The following NOP2 variants were observed in gnomAD, a reference collection of about 807,000 sequenced individuals.
The protein encoded by NOP2 is NOP2 nucleolar protein.
A neutral mutation model predicts 72.7 loss-of-function variants in NOP2; 7 were observed. The observed-to-expected ratio is 0.10, with a 90% CI of 0.05 to 0.18. NOP2 has a LOEUF of 0.18. Among genes scored for constraint, NOP2 ranks in the 10% least tolerant of loss-of-function variants. NOP2 has a pLI of 1.00. For synonymous variants in NOP2, 387 were observed against 388.0 expected, an observed-to-expected ratio of 1.00 and a Z score of 0.03; for missense variants, 954 against 1,014.7, an observed-to-expected ratio of 0.94 and a Z score of 0.81.
In NOP2 at chr12:6,568,101, G is replaced by T; in HGVS notation, c.-5+106C>A. On this transcript the variant is annotated intron_variant, in intron 1 of 15. Coordinates refer to ENST00000322166, the MANE Select transcript of NOP2 (RefSeq NM_001258308.2). ...ACCCCCGCTATCCCCCTGGAGGCCCGACCGAACGCCCTCCCACCTGAAACC... is the reference window on the plus strand; with the variant it reads ...ACCCCCGCTATCCCCCTGGAGGCCCTACCGAACGCCCTCCCACCTGAAACC... 4 of 595,046 alleles carry T rather than the reference G, an allele frequency of 6.7e-6. No homozygotes were observed. The East Asian group carries it at 1.1e-4, about 17-fold the overall frequency. 36.9% of individuals were successfully genotyped at this position (595,046 alleles called of 1,614,324 possible).
intron 9 of NOP2, among the ~76,000 whole-genome samples, chr12:6,562,283 G>A (rs758955143): frequency 6.6e-6 from 1 of 152,116 alleles, no homozygotes; most frequent in Non-Finnish European, 1.5e-5. Flanking sequence ...GAGTCACCGC[G>A]CCCGGTAGGG....
In NOP2 at chr12:6,560,813, T is replaced by C. The variant is rs1565587790; in HGVS notation, c.1348-26A>G. On this transcript the variant is annotated intron_variant, in intron 12 of 15. Transcript: ENST00000322166. This position sits in a 1 kb window ranked among gnomAD's most constrained non-coding sequence, Gnocchi z 5.0. The stretch of plus-strand genomic sequence containing the variant: ...CTGGAGAAAAGATACAGATGAATCA[T>C]ATGTCTCTTCTGCAACCAGCAGGGC... 1 of 1,610,244 alleles carries C rather than the reference T, an allele frequency of 6.2e-7. No homozygotes were observed. The highest frequency in any genetic ancestry group is 8.5e-7 in the Non-Finnish European group (1 of 1,178,114).
chr12:6,557,231 G>A lies in NOP2; in HGVS notation c.2201C>T (p.Ser734Phe), dbSNP rs751376572. 1.7e-5 allele frequency: 28 copies of A among 1,613,922 alleles called. 2 individuals carry two copies. In the South Asian group the frequency reaches 3.1e-4, roughly 18 times the overall value. The stretch of plus-strand genomic sequence containing the variant: ...AGGTTTCAGGGTGGCCTGAGTCTTG[G>A]ATGGGGATAACACAGCCGGTGTTTG... ...DTQTPAVLSP[S>F]KTQATLKPKD... Residue 734 changes from serine (S) to phenylalanine (F), a missense_variant, in exon 16 of 16, where the codon TCC becomes TTC. Ser to Phe is a radical substitution (Grantham distance 155). Transcript: ENST00000322166.
rs760198987 is a variant in NOP2, at chr12:6,557,337, T to G, written c.2095A>C (p.Lys699Gln). The change falls in exon 16 of 16, where the codon AAG (lysine) becomes CAG (glutamine). Residue 699 changes from lysine (K) to glutamine (Q), a missense_variant. Physicochemically the swap from Lys to Gln is moderately conservative, Grantham distance 53. Coordinates refer to ENST00000322166, the MANE Select transcript of NOP2 (RefSeq NM_001258308.2). Reference sequence around the variant, plus strand: ...GACTGTAATTTAGGTGATCGTTGCTTTAGCTTCCCAGTCACCTTTGGCTCC... The same window carrying G: ...GACTGTAATTTAGGTGATCGTTGCTGTAGCTTCCCAGTCACCTTTGGCTCC... ...IREPKVTGKL[K>Q]QRSPKLQSSK... 6.8e-6 allele frequency: 11 copies of G among 1,614,018 alleles called. No individual in the cohort carries two copies. The highest frequency in any genetic ancestry group is 9.3e-6 in the Non-Finnish European group (11 of 1,179,884).
Position 6,566,310 on chromosome 12 carries a change from C to G in NOP2, c.265G>C (p.Ala89Pro). 1 of 1,613,794 alleles carries G rather than the reference C, an allele frequency of 6.2e-7. No individual in the cohort carries two copies. The highest frequency in any genetic ancestry group is 8.5e-7 in the Non-Finnish European group (1 of 1,179,834). The part of the protein sequence containing the change: ...KGISAGAVQT[A>P]GKKGPQSLFN... ...AGGGACTGGGGTCCCTTCTTACCAG[C>G]TGTCTGGACAGCTCCTGCAGAGATC... Residue 89 changes from alanine to proline, a missense_variant, in exon 5 of 16, where the codon GCT becomes CCT. By Grantham distance (27) the Ala-to-Pro change is conservative. Coordinates refer to ENST00000322166, the MANE Select transcript of NOP2 (RefSeq NM_001258308.2).
chr12:6,566,856 T>C, intron 2 of NOP2, 34 bp from the exon 3 acceptor site: 1 of 1,567,036 alleles, frequency 6.4e-7, no homozygotes. Flanking sequence ...CAGAACAAGT[T>C]ACAGGGGACA....
At chr12:6,567,634 A>G (rs1217590535) in intron 2 of NOP2, 182 bp downstream of exon 2, 14 of 527,106 alleles carry the variant, frequency 2.7e-5, no homozygotes, top group Non-Finnish European at 4.3e-5. Flanking sequence ...CCGTGTCTTC[A>G]CATCTCTACG....
intron 15 of NOP2, 105 bp downstream of exon 15, chr12:6,559,993 G>A: frequency 1.2e-6 from 1 of 817,332 alleles, no homozygotes; most frequent in South Asian, 1.7e-5. Context: ...GCTGGAGTAA[G>A]GGATGCATGA....
chr12:6,561,540 C>T lies in NOP2; in HGVS notation c.1207+124G>A, dbSNP rs190645207. 2,193 of 1,306,264 alleles carry T rather than the reference C, an allele frequency of 1.7e-3. 5 individuals are homozygous for T. The highest frequency in any genetic ancestry group is 2.2e-3 in the Non-Finnish European group (2,045 of 941,534). The allele number at this position is 1,306,264 out of a possible 1,614,324, so 80.9% of individuals were successfully genotyped here. A position where few individuals can be genotyped will look rare whatever the true frequency, so the allele number is the denominator to read the frequency against. On this transcript the variant is annotated intron_variant, in intron 11 of 15. Coordinates refer to ENST00000322166, the MANE Select transcript of NOP2 (RefSeq NM_001258308.2). ...GGCCGACTCCAGAAACTGGTCCTCA[C>T]CACCCTGCTAGCTACCTGCACATTG...
In NOP2 at chr12:6,561,897, A is replaced by G. The variant is rs1316529700; in HGVS notation, c.1053T>C (p.Ser351=). The G allele has an allele frequency of 8.1e-6, 13 of 1,611,652 alleles. No homozygotes were observed. Among genetic ancestry groups the G allele is most frequent in the African/African-American group, 1.3e-5 (1 of 74,974 alleles). The change falls in exon 10 of 16, where the codon TCT becomes TCC. Residue 351 remains serine, a synonymous_variant. Coordinates refer to ENST00000322166, the MANE Select transcript of NOP2 (RefSeq NM_001258308.2). ...WSKTGLVVYD[S]SVPIGATPEY... ...GGGGAGACTTACCAATGGGCACAGA[A>G]GAATCATACACCACTAGTCCAGTCT...
At chr12:6,563,043 CCTTCT>C in intron 9 of NOP2, 33 bp downstream of exon 9, 1 of 1,526,518 alleles carries the variant, frequency 6.6e-7, no homozygotes, top group Non-Finnish European at 8.9e-7. Flanking sequence ...AAGTCACTTC[CCTTCT>C]GAGATGAGTG....
chr12:6,563,907 G>A lies in NOP2; in HGVS notation c.514C>T (p.Arg172Trp), dbSNP rs370162325. The A allele has an allele frequency of 1.1e-5, 18 of 1,613,698 alleles. 1 individual carries two copies. The highest frequency in any genetic ancestry group is 3.3e-4 in the Middle Eastern group (2 of 6,056). ...IERAARKQKA[R>W]EAAAGIQWSE... ...AAAACTCACCCAGCAGCAGCTTCCC[G>A]GGCCTTCTGCTTCCGAGCAGCTCTT... Residue 172 changes from arginine (R) to tryptophan (W), a missense_variant, in exon 6 of 16, where the codon CGG (arginine) becomes TGG (tryptophan). Physicochemically the swap from Arg to Trp is moderately radical, Grantham distance 101. This residue lies in a region of NOP2 where 498 missense variants were observed against 478.3 expected (regional missense o/e 1.04). Transcript: ENST00000322166.
chr12:6,556,964 A>G lies in NOP2; in HGVS notation c.*29T>C. 6.2e-7 allele frequency: 1 copy of G among 1,612,606 alleles called. No individual in the cohort carries two copies. The highest frequency in any genetic ancestry group is 8.5e-7 in the Non-Finnish European group (1 of 1,179,372). On this transcript the variant is annotated 3_prime_UTR_variant, in exon 16 of 16. Coordinates refer to ENST00000322166, the MANE Select transcript of NOP2 (RefSeq NM_001258308.2). Reference sequence around the variant, plus strand: ...AGAGTTCCAACCTGGTGACAATGGCAGTGAGCCACCCGTCTAGTTTTCAAC... The same window carrying G: ...AGAGTTCCAACCTGGTGACAATGGCGGTGAGCCACCCGTCTAGTTTTCAAC...
At chr12:6,564,756 C>A (rs1378478793) in intron 5 of NOP2, among the ~76,000 whole-genome samples, 53 of 135,612 alleles carry the variant, frequency 3.9e-4, no homozygotes, top group Non-Finnish European at 7.5e-4. Context: ...TTTTTTTTTA[C>A]TTACTCTGTA....
At position 6,561,027 on chromosome 12, in the gene NOP2, G is replaced by A; in HGVS notation, c.1251C>T (p.Ala417=). Residue 417 remains alanine (A), a synonymous_variant, in exon 12 of 16, where the codon GCC becomes GCT. Transcript: ENST00000322166. ...CAACACTCTTGAGCCGCTCAGCATT[G>A]GCGTCATTGGCAAGGATCACACCCG... is the stretch of plus-strand genomic sequence containing the variant. ...KNTGVILAND[A]NAERLKSVVG... is the part of the protein sequence containing the mutation. 4 of 1,613,988 alleles carry A rather than the reference G, an allele frequency of 2.5e-6. No individual in the cohort carries two copies. The highest frequency in any genetic ancestry group is 3.4e-6 in the Non-Finnish European group (4 of 1,179,900).
intron 11 of NOP2, 83 bp from the exon 12 acceptor site, chr12:6,561,153 A>G: frequency 1.3e-6 from 2 of 1,548,754 alleles, no homozygotes; most frequent in East Asian, 2.3e-5. Flanking sequence ...AGGAATCCAC[A>G]TGAGAAGTGT....
At chr12:6,568,012 C>T (rs1947830106) in intron 1 of NOP2, 90 bp from the exon 2 acceptor site, 2 of 993,340 alleles carry the variant, frequency 2.0e-6, no homozygotes, top group Non-Finnish European at 3.1e-6. Context: ...TGGGAAAGGG[C>T]ACAGCCTCAA....
At position 6,566,841 on chromosome 12, in the gene NOP2, C is replaced by A; in HGVS notation, c.104-19G>T. The A allele has an allele frequency of 6.2e-7, 1 of 1,602,652 alleles. No individual in the cohort carries two copies. The highest frequency in any genetic ancestry group is 2.2e-5 in the East Asian group (1 of 44,758). On this transcript the variant is annotated intron_variant, in intron 2 of 15. Transcript: ENST00000322166. ...TCACTTACTGTTTAAAAAAGAAAAA[C>A]GAGGCAGAACAAGTTACAGGGGACA...
chr12:6,564,370 A>G (rs1947727117), intron 5 of NOP2: 2 of 199,732 alleles, frequency 1.0e-5, no homozygotes, highest in South Asian at 1.3e-4. Context: ...TAAGAAAAAA[A>G]AAAAACTTGA....
Sources: allele counts gnomAD v4.1 joint callset (sites outside exome capture counted in the v4.1 genomes callset), GRCh38; gene constraint gnomAD v4.1.1; regional missense constraint gnomAD v4.1.1; non-coding constraint Gnocchi (gnomAD v3.1); transcripts MANE v1.5; gene names NCBI Gene and HGNC (gene_info 2026-07-23, HGNC 2026-07-21).